Variants in DENND5A observed in about 807,000 individuals in gnomAD.
DENND5A encodes the protein DENN domain-containing protein 5A.
In DENND5A, 64 loss-of-function variants were observed where a neutral mutation model predicts 140.3. The observed-to-expected ratio is 0.46, with a 90% CI of 0.37 to 0.56. DENND5A has a LOEUF of 0.56. Ranked by LOEUF, DENND5A falls within the 20% of genes least tolerant of loss-of-function variation. The pLI is 0.00. For synonymous variants in DENND5A, 605 were observed against 607.7 expected (o/e 1.00, Z 0.07); for missense variants, 1,292 against 1,593.8 (o/e 0.81, Z 3.22).
chr11:9,160,674 G>A (rs1373215689), intron 12 of DENND5A, 39 bp downstream of exon 12: 1 of 1,573,360 alleles, frequency 6.4e-7, no homozygotes, highest in East Asian at 2.3e-5. Context: ...AAAACAGGAA[G>A]ACAATTTGCT....
chr11:9,149,957 A>G, intron 15 of DENND5A, 124 bp downstream of exon 15: 1 of 1,332,096 alleles, frequency 7.5e-7, no homozygotes, highest in South Asian at 1.6e-5. Flanking sequence ...AACCTTCATA[A>G]GCAAAGAGGT....
chr11:9,260,999 C>T (rs1852170850), intron 1 of DENND5A, among the ~76,000 whole-genome samples: 1 of 147,418 alleles, frequency 6.8e-6, no homozygotes, highest in Non-Finnish European at 1.5e-5. Flanking sequence ...CAGGTGCATG[C>T]CACCACACCC....
In DENND5A at chr11:9,203,414, A is replaced by G. The variant is rs573693678; in HGVS notation, c.949+246T>C. ...CACCCCTCTTTTCACTTCAATCAGAAGGGACATAGGAAGCAATGTTCCCCT... is the reference window on the plus strand; with the variant it reads ...CACCCCTCTTTTCACTTCAATCAGAGGGGACATAGGAAGCAATGTTCCCCT... On this transcript the variant is annotated intron_variant, in intron 4 of 22. Transcript: ENST00000328194. 2.4e-3 allele frequency: 1,021 copies of G among 419,880 alleles called. 5 individuals carry two copies. The highest frequency in any genetic ancestry group is 3.7e-3 in the Admixed American group (91 of 24,644). 26.0% of individuals were successfully genotyped at this position (419,880 alleles called of 1,614,324 possible). A position where few individuals can be genotyped will look rare whatever the true frequency, so the allele number is the denominator to read the frequency against.
At chr11:9,163,803 CAA>C (rs569894796) in intron 11 of DENND5A, among the ~76,000 whole-genome samples, 11 of 46,188 alleles carry the variant, frequency 2.4e-4, no homozygotes, top group Admixed American at 4.7e-4. Context: ...GACTCCATCT[CAA>C]AAAAAAAAAA....
intron 1 of DENND5A, among the ~76,000 whole-genome samples, chr11:9,234,625 G>T (rs1850923903): frequency 6.6e-6 from 1 of 152,184 alleles, no homozygotes; most frequent in Non-Finnish European, 1.5e-5. Flanking sequence ...AAAGGTTACG[G>T]GTTTACCAGA....
Position 9,159,381 on chromosome 11 carries a change from T to C in DENND5A, c.2436+1332A>G, listed in dbSNP as rs186356461. Among the ~76,000 whole-genome samples, 311 of 150,258 alleles carry C rather than the reference T, an allele frequency of 2.1e-3. 1 individual carries two copies. The highest frequency in any genetic ancestry group is 7.3e-3 in the African/African-American group (298 of 40,896). On this transcript the variant is annotated intron_variant, in intron 12 of 22. Transcript: ENST00000328194. ...TGTTGCCTAGGCTGGAGTGCAATGG[T>C]GCAATCTTGGCTCACTGCAACCTCT... is the stretch of plus-strand genomic sequence containing the variant.
intron 1 of DENND5A, among the ~76,000 whole-genome samples, chr11:9,227,285 T>C (rs1358506978): frequency 2.0e-5 from 3 of 152,154 alleles, no homozygotes; most frequent in Non-Finnish European, 4.4e-5. Context: ...TACCCCACAT[T>C]GAGCCGTTTT....
chr11:9,204,327 A>G lies in DENND5A; in HGVS notation c.292-10T>C. 1.2e-6 allele frequency: 2 copies of G among 1,603,356 alleles called. No individual in the cohort carries two copies. Among genetic ancestry groups the G allele is most frequent in the Non-Finnish European group, 1.7e-6 (2 of 1,178,218 alleles). On this transcript the variant is annotated splice_polypyrimidine_tract_variant and intron_variant, in intron 3 of 22. Coordinates refer to ENST00000328194, the MANE Select transcript of DENND5A (RefSeq NM_015213.4). ...CTTTCGGCATACATAGCTGCAAAAGACAACAAGGCAACAAGCAGTGAGAAC... is the reference window on the plus strand; with the variant it reads ...CTTTCGGCATACATAGCTGCAAAAGGCAACAAGGCAACAAGCAGTGAGAAC...
In DENND5A at chr11:9,142,856, A is replaced by G. The variant is rs750524183; in HGVS notation, c.3388-11T>C. ...CGTCAGACTGCCTCGCTACGTAAGG[A>G]AACAGGGGAGGGTGCCAGGCTTGTC... On this transcript the variant is annotated splice_polypyrimidine_tract_variant and intron_variant, in intron 20 of 22. Coordinates refer to ENST00000328194, the MANE Select transcript of DENND5A (RefSeq NM_015213.4). 1 of 1,613,716 alleles carries G rather than the reference A, an allele frequency of 6.2e-7. No individual in the cohort carries two copies. Among genetic ancestry groups the G allele is most frequent in the Non-Finnish European group, 8.5e-7 (1 of 1,179,774 alleles).
In DENND5A at chr11:9,142,762, C is replaced by T. The variant is rs145302750; in HGVS notation, c.3471G>A (p.Ser1157=). ...TGAAGACATTTTTGAAGAGCCGGGG[C>T]GATTTAAATCCATGCTGGAAAGCCT... ...LEQAFQHGFK[S]PRLFKNVFIW... The change falls in exon 21 of 23, where the codon TCG becomes TCA. Residue 1157 remains serine, a synonymous_variant. Transcript: ENST00000328194. 2.3e-4 allele frequency: 368 copies of T among 1,614,106 alleles called. 1 individual carries two copies. Among genetic ancestry groups the T allele is most frequent in the Middle Eastern group, 1.5e-3 (9 of 6,062 alleles).
chr11:9,186,158 A>C (rs1848906565), intron 5 of DENND5A, among the ~76,000 whole-genome samples: 1 of 151,114 alleles, frequency 6.6e-6, no homozygotes, highest in Admixed American at 6.6e-5. Context: ...CATGTCAAAA[A>C]TTCAAAGACT....
In DENND5A at chr11:9,180,999, A is replaced by G; in HGVS notation, c.1223T>C (p.Val408Ala). Reference protein sequence around the residue: ...LPQFPNKLEFVQEVSEILMAF... With the variant: ...LPQFPNKLEFAQEVSEILMAF... ...CATGAGAATCTCAGAGACTTCCTGGACAAACTCCAATTTGTTGGGGAACTG... is the reference window on the plus strand; with the variant it reads ...CATGAGAATCTCAGAGACTTCCTGGGCAAACTCCAATTTGTTGGGGAACTG... The change falls in exon 6 of 23, where the codon GTC (valine) becomes GCC (alanine). Residue 408 changes from valine (V) to alanine (A), a missense_variant. This residue lies in a region of DENND5A where 566 missense variants were observed against 650.4 expected (regional missense o/e 0.87). Coordinates refer to ENST00000328194, the MANE Select transcript of DENND5A (RefSeq NM_015213.4). 6.2e-7 allele frequency: 1 copy of G among 1,614,180 alleles called. No homozygotes were observed. Among genetic ancestry groups the G allele is most frequent in the Non-Finnish European group, 8.5e-7 (1 of 1,180,022 alleles).
At chr11:9,252,404 T>C (rs1398234945) in intron 1 of DENND5A, among the ~76,000 whole-genome samples, 3 of 151,850 alleles carry the variant, frequency 2.0e-5, no homozygotes, top group Non-Finnish European at 4.4e-5. Flanking sequence ...ATCCCAGCAC[T>C]TTAGGAGGCA....
chr11:9,158,855 T>C (rs1333188917), intron 12 of DENND5A, among the ~76,000 whole-genome samples: 1 of 152,252 alleles, frequency 6.6e-6, no homozygotes, highest in Non-Finnish European at 1.5e-5. Context: ...ATAATTCATA[T>C]TACCATAAAA....
At chr11:9,205,694 A>G (rs931356738) in intron 3 of DENND5A, among the ~76,000 whole-genome samples, 5 of 152,164 alleles carry the variant, frequency 3.3e-5, no homozygotes, top group African/African-American at 1.2e-4. Flanking sequence ...GGAATTTGAG[A>G]ACAGCCTGGA....
chr11:9,175,807 A>C (rs1848529511), intron 8 of DENND5A: 1 of 152,242 alleles, frequency 6.6e-6, no homozygotes, highest in Non-Finnish European at 1.5e-5. Context: ...TACTACTTAC[A>C]AAATTAACTT....
intron 1 of DENND5A, among the ~76,000 whole-genome samples, chr11:9,245,051 A>C (rs1020710861): frequency 2.0e-5 from 3 of 151,714 alleles, no homozygotes; most frequent in Non-Finnish European, 2.9e-5. Flanking sequence ...TTGGGAGGCC[A>C]AGGCGGGTGA....
intron 1 of DENND5A, among the ~76,000 whole-genome samples, chr11:9,231,116 A>G (rs1470313961): frequency 6.6e-6 from 1 of 152,258 alleles, no homozygotes; most frequent in African/African-American, 2.4e-5. Context: ...CTCAACAAAT[A>G]TTAGCTCCTT....
chr11:9,225,394 T>C (rs1850487103), intron 1 of DENND5A, among the ~76,000 whole-genome samples: 1 of 152,228 alleles, frequency 6.6e-6, no homozygotes, highest in Non-Finnish European at 1.5e-5. Flanking sequence ...GTTCTATCCA[T>C]GTACTCACCT....
Sources: allele counts gnomAD v4.1 joint callset (sites outside exome capture counted in the v4.1 genomes callset), GRCh38; gene constraint gnomAD v4.1.1; regional missense constraint gnomAD v4.1.1; transcripts MANE v1.5; gene names NCBI Gene and HGNC (gene_info 2026-07-23, HGNC 2026-07-21).